Variants in HOOK3 observed in about 807,000 individuals in gnomAD.
HOOK3 encodes protein Hook homolog 3.
A neutral mutation model predicts 116.3 loss-of-function variants in HOOK3; 24 were observed. That is an observed-to-expected ratio of 0.21 (90% confidence interval 0.15 to 0.29). The LOEUF is 0.29. HOOK3 is among the 10% of genes least tolerant of loss of function. HOOK3 has a pLI of 1.00. For missense variants in HOOK3, 632 were observed against 830.2 expected (o/e 0.76, Z 2.93); for synonymous variants, 275 against 283.0 (o/e 0.97, Z 0.28).
intron 19 of HOOK3, among the ~76,000 whole-genome samples, chr8:43,011,174 T>C (rs951959460): frequency 2.6e-5 from 4 of 152,020 alleles, no homozygotes; most frequent in Admixed American, 2.6e-4. Flanking sequence ...TTGTATTTTT[T>C]AGTAGAGACA....
chr8:42,979,488 G>C (rs1315149885), intron 13 of HOOK3, among the ~76,000 whole-genome samples: 2 of 152,130 alleles, frequency 1.3e-5, no homozygotes, highest in Non-Finnish European at 2.9e-5. Context: ...CTGATGGATT[G>C]CTTGTTTGGC....
chr8:42,935,821 T>C (rs1455597729), intron 4 of HOOK3, among the ~76,000 whole-genome samples: 12 of 152,108 alleles, frequency 7.9e-5, no homozygotes, highest in Non-Finnish European at 2.9e-5. Context: ...AAGTCAGGTA[T>C]TGTGATGCCT....
At chr8:42,930,047 C>T in intron 3 of HOOK3, 75 bp from the exon 4 acceptor site, 1 of 1,371,592 alleles carries the variant, frequency 7.3e-7, no homozygotes, top group Non-Finnish European at 9.9e-7. Context: ...TTGGTTGGCT[C>T]AGAAATTTTT....
rs182486843 is a variant in HOOK3 at position 43,030,446 on chromosome 8, A to C, written c.*11948A>C. On this transcript the variant is annotated 3_prime_UTR_variant, in exon 22 of 22. Coordinates refer to ENST00000307602, the MANE Select transcript of HOOK3 (RefSeq NM_032410.4). ...AATAAAGTTAAGATTTGGTCAAACT[A>C]TATTTTCCCATTCAAGTACAAAAAT... The C allele has an allele frequency of 1.5e-4, 26 of 177,588 alleles. No homozygotes were observed. The East Asian group carries it at 2.5e-3, about 17-fold the overall frequency. 11.0% of individuals were successfully genotyped at this position (177,588 alleles called of 1,614,324 possible). A position where few individuals can be genotyped will look rare whatever the true frequency, so the allele number is the denominator to read the frequency against.
At position 42,986,684 on chromosome 8, in the gene HOOK3, A is replaced by G; in HGVS notation, c.1421A>G (p.Asn474Ser). The change falls in exon 15 of 22, where the codon AAT (asparagine) becomes AGT (serine). Residue 474 changes from asparagine (N) to serine (S), a missense_variant. Physicochemically the swap from Asn to Ser is conservative, Grantham distance 46 (BLOSUM62 1). Around this residue, in one of 3 missense-constraint regions of HOOK3, gnomAD observed 483 missense variants for 648.1 expected, o/e 0.75. Transcript: ENST00000307602. Reference protein sequence around the residue: ...REKLIRLQHENKMLKLNQEGS... With the variant: ...REKLIRLQHESKMLKLNQEGS... ...AAACTTATTCGTCTTCAGCATGAGAATAAGATGTTAAAGCTTAACCAAGAA... is the reference window on the plus strand; with the variant it reads ...AAACTTATTCGTCTTCAGCATGAGAGTAAGATGTTAAAGCTTAACCAAGAA... 6.2e-7 allele frequency: 1 copy of G among 1,613,538 alleles called. No homozygotes were observed. The highest frequency in any genetic ancestry group is 8.5e-7 in the Non-Finnish European group (1 of 1,179,682).
At chr8:42,953,597 T>G (rs1030809343) in intron 6 of HOOK3, among the ~76,000 whole-genome samples, 9 of 151,570 alleles carry the variant, frequency 5.9e-5, no homozygotes, top group African/African-American at 2.2e-4. Context: ...CAAAGATACA[T>G]AATAGTAGTC....
chr8:43,020,024 T>A lies in HOOK3; in HGVS notation c.*1526T>A, dbSNP rs1205003281. On this transcript the variant is annotated 3_prime_UTR_variant, in exon 22 of 22. Coordinates refer to ENST00000307602, the MANE Select transcript of HOOK3 (RefSeq NM_032410.4). Reference sequence around the variant, plus strand: ...AATCAAGCTAAATGTAATTAAGAATTTTCAGCAACTATATTCAAGTGTTTG... The same window carrying A: ...AATCAAGCTAAATGTAATTAAGAATATTCAGCAACTATATTCAAGTGTTTG... 1 of 198,394 alleles carries A rather than the reference T, an allele frequency of 5.0e-6. No individual in the cohort carries two copies. Among genetic ancestry groups the A allele is most frequent in the African/African-American group, 2.3e-5 (1 of 43,430 alleles). 12.3% of individuals were successfully genotyped at this position (198,394 alleles called of 1,614,324 possible).
chr8:42,962,852 A>C (rs1256193081), intron 8 of HOOK3, among the ~76,000 whole-genome samples: 1 of 125,538 alleles, frequency 8.0e-6, no homozygotes, highest in Non-Finnish European at 1.5e-5. Context: ...CCCAGTCTGG[A>C]GTGCAATGGC....
intron 15 of HOOK3, 38 bp from the exon 16 acceptor site, chr8:42,997,512 C>A: frequency 7.5e-7 from 1 of 1,336,418 alleles, no homozygotes; most frequent in South Asian, 1.2e-5. Context: ...GCATACGTAA[C>A]TCACCACTTG....
chr8:42,919,628 G>A (rs912798633), intron 2 of HOOK3, among the ~76,000 whole-genome samples: 1 of 152,180 alleles, frequency 6.6e-6, no homozygotes, highest in African/African-American at 2.4e-5. Flanking sequence ...CCGAGATTAC[G>A]CCACTGCACT....
At chr8:42,916,348 C>T (rs1807533402) in intron 2 of HOOK3, among the ~76,000 whole-genome samples, 1 of 152,150 alleles carries the variant, frequency 6.6e-6, no homozygotes, top group African/African-American at 2.4e-5. Context: ...CTGTTGTTTT[C>T]CGTCAACATT....
At chr8:43,009,250 CA>C (rs1215248237) in intron 18 of HOOK3, among the ~76,000 whole-genome samples, 1 of 151,368 alleles carries the variant, frequency 6.6e-6, no homozygotes, top group Non-Finnish European at 1.5e-5. Flanking sequence ...ACTAAAAATA[CA>C]AAAAATTAGC....
At chr8:43,016,044 A>T (rs927004773) in intron 21 of HOOK3, among the ~76,000 whole-genome samples, 5 of 151,470 alleles carry the variant, frequency 3.3e-5, no homozygotes, top group African/African-American at 9.7e-5. Flanking sequence ...ATTGATTTTT[A>T]TGACTTCACA....
chr8:43,007,285 G>C (rs1809511607), intron 17 of HOOK3, among the ~76,000 whole-genome samples: 1 of 152,030 alleles, frequency 6.6e-6, no homozygotes, highest in African/African-American at 2.4e-5. Flanking sequence ...CCCAAACCTA[G>C]GTGACCCGGA....
chr8:42,970,586 G>C (rs1211036123), intron 11 of HOOK3, among the ~76,000 whole-genome samples: 1 of 151,990 alleles, frequency 6.6e-6, no homozygotes, highest in South Asian at 2.1e-4. Flanking sequence ...TTACTGTTGG[G>C]TACTTTTGTG....
At chr8:42,907,319 C>CT (rs1807329224) in intron 2 of HOOK3, among the ~76,000 whole-genome samples, 1 of 152,198 alleles carries the variant, frequency 6.6e-6, no homozygotes, top group Admixed American at 6.5e-5. Flanking sequence ...TTCAGATTAT[C>CT]TGTCTCTTTG....
chr8:42,933,852 C>T (rs1807915758), intron 4 of HOOK3, among the ~76,000 whole-genome samples: 1 of 152,202 alleles, frequency 6.6e-6, no homozygotes, highest in East Asian at 1.9e-4. Context: ...TGGACTCCCA[C>T]TCCCTGTTGG....
intron 4 of HOOK3, among the ~76,000 whole-genome samples, chr8:42,930,784 A>G (rs996573844): frequency 5.9e-5 from 9 of 152,158 alleles, no homozygotes; most frequent in Admixed American, 2.6e-4. Flanking sequence ...ACTCAAGCCC[A>G]GAACCTAGAA....
rs1809650496 is a variant in HOOK3, at chr8:43,013,379, T to G, written c.1995T>G (p.Ile665Met). The stretch of plus-strand genomic sequence containing the variant: ...AGAGAGAGATGGAAGAGAAATATAT[T>G]GTTAGTGCCTGGTACAATATGGTAA... ...KSQREMEEKY[I>M]VSAWYNMGMT... The change falls in exon 21 of 22, where the codon ATT (isoleucine) becomes ATG (methionine). Residue 665 changes from isoleucine (I) to methionine (M), a missense_variant. Physicochemically the swap from Ile to Met is conservative, Grantham distance 10. This residue lies in a region of HOOK3 where 483 missense variants were observed against 648.1 expected (regional missense o/e 0.75). Transcript: ENST00000307602. 3 of 1,587,276 alleles carry G rather than the reference T, an allele frequency of 1.9e-6. No individual in the cohort carries two copies. The highest frequency in any genetic ancestry group is 2.6e-6 in the Non-Finnish European group (3 of 1,170,198).
Sources: gnomAD v4.1 joint callset for allele counts (sites outside exome capture counted in the v4.1 genomes callset) on GRCh38, gnomAD v4.1.1 for gene constraint, gnomAD v4.1.1 regional missense constraint, MANE v1.5 for transcripts, NCBI Gene and HGNC (gene_info 2026-07-23, HGNC 2026-07-21) for gene names.